The following SORCS3 variants were observed in gnomAD, a reference collection of about 807,000 sequenced individuals.
The protein encoded by SORCS3 is sortilin related VPS10 domain containing receptor 3, also known as VPS10 domain-containing receptor SorCS3.
SORCS3 carries 57 observed loss-of-function variants against 146.3 expected under a neutral mutation model. The observed-to-expected ratio is 0.39, with a 90% CI of 0.31 to 0.49. The LOEUF is 0.49. Among genes scored for constraint, SORCS3 ranks in the 20% least tolerant of loss-of-function variants. The pLI, the probability that SORCS3 is intolerant of heterozygous loss-of-function variation, is 0.92. For missense variants in SORCS3, 1,341 were observed against 1,575.5 expected (o/e 0.85, Z 2.52); for synonymous variants, 653 against 618.5 (o/e 1.06, Z -0.83).
chr10:105,247,136 C>A, intron 21 of SORCS3, 83 bp from the exon 22 acceptor site: 1 of 614,546 alleles, frequency 1.6e-6, no homozygotes, highest in Non-Finnish European at 2.8e-6. Context: ...ACCAAAAGCA[C>A]AGTGATGGTG....
intron 14 of SORCS3, among the ~76,000 whole-genome samples, chr10:105,192,578 G>A (rs538690496): frequency 6.6e-6 from 1 of 152,262 alleles, no homozygotes; most frequent in Admixed American, 6.5e-5. Flanking sequence ...TCTGAGGACA[G>A]AAAAGAAGGA....
chr10:104,715,135 A>G (rs1438179039), intron 1 of SORCS3, among the ~76,000 whole-genome samples: 1 of 152,182 alleles, frequency 6.6e-6, no homozygotes. Context: ...AGGGATGCCC[A>G]GATAGCTGGG....
At chr10:104,938,120 G>A (rs1438619885) in intron 3 of SORCS3, among the ~76,000 whole-genome samples, 1 of 152,132 alleles carries the variant, frequency 6.6e-6, no homozygotes, top group Non-Finnish European at 1.5e-5. Context: ...TTTCTTTACT[G>A]TCGTTAGTGC....
chr10:104,842,681 C>G, intron 1 of SORCS3, 111 bp from the exon 2 acceptor site: 1 of 797,508 alleles, frequency 1.3e-6, no homozygotes. Context: ...ATACTAAGCC[C>G]TCCTCTGGGT....
chr10:104,800,579 G>A (rs1297996316), intron 1 of SORCS3, among the ~76,000 whole-genome samples: 1 of 152,102 alleles, frequency 6.6e-6, no homozygotes, highest in East Asian at 1.9e-4. Flanking sequence ...TGTGTGTTGG[G>A]GAGGCGGGTA....
chr10:104,815,741 T>C (rs780413361), intron 1 of SORCS3, among the ~76,000 whole-genome samples: 22 of 152,190 alleles, frequency 1.4e-4, no homozygotes, highest in Non-Finnish European at 1.9e-4. Context: ...TGCATTTAAC[T>C]TTATAAGATA....
chr10:105,159,275 G>A (rs968848451), intron 11 of SORCS3, among the ~76,000 whole-genome samples: 3 of 152,196 alleles, frequency 2.0e-5, no homozygotes, highest in Non-Finnish European at 4.4e-5. Flanking sequence ...TGACCAATCA[G>A]AATGGTTGTT....
chr10:104,787,903 T>G (rs928038741), intron 1 of SORCS3, among the ~76,000 whole-genome samples: 2 of 152,190 alleles, frequency 1.3e-5, no homozygotes, highest in Non-Finnish European at 2.9e-5. Flanking sequence ...GGCTTACAAT[T>G]GCAGATTTTT....
chr10:104,678,537 A>G (rs1466271320), intron 1 of SORCS3, among the ~76,000 whole-genome samples: 1 of 152,182 alleles, frequency 6.6e-6, no homozygotes, highest in Non-Finnish European at 1.5e-5. Flanking sequence ...ATGTGTCCAC[A>G]TGTTTGTAAA....
At position 105,147,679 on chromosome 10, in the gene SORCS3, G is replaced by C. The variant is rs2056140967; in HGVS notation, c.1365G>C (p.Gln455His). The change falls in exon 9 of 27, where the codon CAG (glutamine) becomes CAC (histidine). Residue 455 changes from glutamine (Q) to histidine (H), a missense_variant. By Grantham distance (24) the Gln-to-His change is conservative (BLOSUM62 0). Coordinates refer to ENST00000369701, the MANE Select transcript of SORCS3 (RefSeq NM_014978.3). ...QVFAAVQEWN[Q>H]NDTYNLYISD... ...TTGCTGCGGTCCAAGAATGGAACCA[G>C]AACGACACGTACAACCTCTACATCT... 6.2e-7 allele frequency: 1 copy of C among 1,612,990 alleles called. No homozygotes were observed. The highest frequency in any genetic ancestry group is 1.7e-5 in the Admixed American group (1 of 59,922).
chr10:104,698,258 A>G (rs2016240459), intron 1 of SORCS3, among the ~76,000 whole-genome samples: 1 of 152,166 alleles, frequency 6.6e-6, no homozygotes. Flanking sequence ...TGGCTTGTAC[A>G]GAGTCACATG....
intron 20 of SORCS3, among the ~76,000 whole-genome samples, chr10:105,223,517 A>G (rs1004737182): frequency 6.6e-5 from 10 of 152,208 alleles, no homozygotes; most frequent in African/African-American, 2.2e-4. Flanking sequence ...AATATTTCTA[A>G]AATTTCATTC....
intron 3 of SORCS3, among the ~76,000 whole-genome samples, chr10:104,955,211 C>T (rs985471119): frequency 6.6e-5 from 10 of 151,744 alleles, no homozygotes; most frequent in Admixed American, 5.9e-4. Flanking sequence ...AATCACCCGT[C>T]GGCATTTTCT....
At chr10:105,164,562 C>G (rs1278742109) in intron 12 of SORCS3, among the ~76,000 whole-genome samples, 183 bp downstream of exon 12, 1 of 152,186 alleles carries the variant, frequency 6.6e-6, no homozygotes, top group Non-Finnish European at 1.5e-5. Context: ...ATGAGAAGGG[C>G]ATTGGGCAGG....
At chr10:104,933,306 AT>A (rs57235182) in intron 3 of SORCS3, among the ~76,000 whole-genome samples, 23,172 of 146,050 alleles carry the variant, frequency 0.16, 2,070 homozygotes, top group South Asian at 0.27. Context: ...TCCTCTGGCT[AT>A]TTTTTTTTTT....
chr10:104,980,587 G>C (rs559032797), intron 4 of SORCS3, among the ~76,000 whole-genome samples: 1 of 152,188 alleles, frequency 6.6e-6, no homozygotes, highest in South Asian at 2.1e-4. Flanking sequence ...AAAATGAAAA[G>C]TGCTAGTATT....
chr10:105,040,350 G>A (rs191206566), intron 4 of SORCS3, among the ~76,000 whole-genome samples: 7 of 152,266 alleles, frequency 4.6e-5, no homozygotes, highest in African/African-American at 9.6e-5. Context: ...CAGACAAACA[G>A]TGTCCACCGC....
intron 4 of SORCS3, among the ~76,000 whole-genome samples, chr10:105,023,880 T>A (rs1033758105): frequency 6.6e-6 from 1 of 151,726 alleles, no homozygotes; most frequent in African/African-American, 2.4e-5. Flanking sequence ...TGGATAGGGA[T>A]AGGATGGTGG....
intron 6 of SORCS3, among the ~76,000 whole-genome samples, chr10:105,097,495 G>T (rs2133747378): frequency 6.6e-6 from 1 of 152,206 alleles, no homozygotes; most frequent in Admixed American, 6.5e-5. Context: ...CCATTTAAGA[G>T]GCAATTAAGT....
Sources: allele counts gnomAD v4.1 joint callset (sites outside exome capture counted in the v4.1 genomes callset), GRCh38; gene constraint gnomAD v4.1.1; transcripts MANE v1.5; gene names NCBI Gene and HGNC (gene_info 2026-07-23, HGNC 2026-07-21).